MOXD1: variants seen among roughly 807,000 people sequenced by gnomAD.
MOXD1 encodes DBH-like monooxygenase protein 1.
MOXD1 carries 62 observed loss-of-function variants against 66.6 expected under a neutral mutation model. That is an observed-to-expected ratio of 0.93 (90% confidence interval 0.76 to 1.15). The LOEUF (loss-of-function observed/expected upper bound fraction) is 1.15. MOXD1 is among the 50% of genes most tolerant of loss of function. The pLI is 0.00. For missense variants in MOXD1, 847 were observed against 754.6 expected, an observed-to-expected ratio of 1.12 and a Z score of -1.44; for synonymous variants, 303 against 281.9, an observed-to-expected ratio of 1.07 and a Z score of -0.75.
chr6:132,308,362 G>T (rs1206138274), intron 10 of MOXD1, among the ~76,000 whole-genome samples: 2 of 152,090 alleles, frequency 1.3e-5, no homozygotes, highest in African/African-American at 4.8e-5. Flanking sequence ...AAGTTCTGAA[G>T]TTGAGGCAGT....
Position 132,323,947 on chromosome 6 carries a change from A to AAAG in MOXD1, c.1094_1096dup (p.Thr365_Leu366insSer). ...GCTGCATACCTCTTCCAGGCACTCC[A>AAAG]AAGTGCAGTGACCCTCAGACTGGAA... On this transcript the variant is annotated inframe_insertion, in exon 7 of 12. Transcript: ENST00000367963. 1 of 1,610,528 alleles carries AAAG rather than the reference A, an allele frequency of 6.2e-7. No homozygotes were observed. The highest frequency in any genetic ancestry group is 1.1e-5 in the South Asian group (1 of 90,184).
At chr6:132,313,627 T>C (rs1195234963) in intron 10 of MOXD1, among the ~76,000 whole-genome samples, 3 of 152,180 alleles carry the variant, frequency 2.0e-5, no homozygotes, top group African/African-American at 7.2e-5. Flanking sequence ...CAAAACTCTA[T>C]GTGTGGCTAG....
chr6:132,362,937 A>T (rs1367572592), intron 4 of MOXD1, among the ~76,000 whole-genome samples: 2 of 152,200 alleles, frequency 1.3e-5, no homozygotes, highest in African/African-American at 4.8e-5. Flanking sequence ...ATCACAAATG[A>T]AACTTCGTAT....
chr6:132,361,902 C>T (rs951954624), intron 4 of MOXD1, among the ~76,000 whole-genome samples: 1 of 152,016 alleles, frequency 6.6e-6, no homozygotes, highest in African/African-American at 2.4e-5. Context: ...GTCTTGATAC[C>T]TTAAAGAAGG....
chr6:132,313,373 T>A (rs1195896677), intron 10 of MOXD1, among the ~76,000 whole-genome samples: 3 of 152,246 alleles, frequency 2.0e-5, no homozygotes, highest in Non-Finnish European at 2.9e-5. Flanking sequence ...CATTTTGTTA[T>A]TTGTATTTTA....
At chr6:132,399,629 T>G (rs910368793) in intron 1 of MOXD1, among the ~76,000 whole-genome samples, 1 of 152,208 alleles carries the variant, frequency 6.6e-6, no homozygotes, top group Non-Finnish European at 1.5e-5. Flanking sequence ...GAAATGCTAC[T>G]CTTTGAGGGA....
intron 4 of MOXD1, among the ~76,000 whole-genome samples, chr6:132,347,548 G>C (rs1010461628): frequency 6.6e-6 from 1 of 151,946 alleles, no homozygotes; most frequent in Non-Finnish European, 1.5e-5. Context: ...GTGTTGGTGG[G>C]TGCCTGTAAT....
chr6:132,392,554 A>G (rs557470825), intron 1 of MOXD1, among the ~76,000 whole-genome samples: 60 of 152,298 alleles, frequency 3.9e-4, no homozygotes, highest in African/African-American at 1.4e-3. Flanking sequence ...AAGGACATGA[A>G]TCCATCAGGG....
At chr6:132,300,759 G>A (rs754117998) in intron 10 of MOXD1, among the ~76,000 whole-genome samples, 1 of 152,184 alleles carries the variant, frequency 6.6e-6, no homozygotes, top group Non-Finnish European at 1.5e-5. Context: ...CCAATGGCGC[G>A]TATGTTGGAG....
chr6:132,400,828 G>A (rs1177176960), intron 1 of MOXD1, among the ~76,000 whole-genome samples: 1 of 152,206 alleles, frequency 6.6e-6, no homozygotes, highest in African/African-American at 2.4e-5. Flanking sequence ...CCAAAGCCTA[G>A]GTCCTTCTCC....
chr6:132,388,130 T>A lies in MOXD1; in HGVS notation c.264+13033A>T, dbSNP rs936318370. Among the ~76,000 whole-genome samples the A allele has an allele frequency of 1.8e-3, 280 of 151,652 alleles. 4 individuals carry two copies. Among genetic ancestry groups the A allele is most frequent in the African/African-American group, 6.4e-3 (265 of 41,518 alleles). On this transcript the variant is annotated intron_variant, in intron 1 of 11. Transcript: ENST00000367963. ...AAGTTCAAAAGCTGGAATATTTGTC[T>A]TCATGTGGTCTTCTGACCATCGTCT... is the stretch of plus-strand genomic sequence containing the variant.
chr6:132,346,599 A>G (rs1161360541), intron 4 of MOXD1, among the ~76,000 whole-genome samples: 1 of 152,202 alleles, frequency 6.6e-6, no homozygotes, highest in African/African-American at 2.4e-5. Flanking sequence ...AATGCCTGCA[A>G]AGTAAGTTCT....
At chr6:132,371,134 A>G (rs1054781513) in intron 4 of MOXD1, among the ~76,000 whole-genome samples, 2 of 152,264 alleles carry the variant, frequency 1.3e-5, no homozygotes, top group South Asian at 2.1e-4. Context: ...ACAGTTTTAC[A>G]TTTGCCTCTT....
chr6:132,401,290 C>T lies in MOXD1; in HGVS notation c.137G>A (p.Ser46Asn), dbSNP rs201008601. The stretch of plus-strand genomic sequence containing the variant: ...CACCTGGAGGCGGAAGGCGATCTGG[C>T]TGCCCCGCTGGCTCCAGCCCAGCCA... Reference protein sequence around the residue: ...KYWLGWSQRGSQIAFRLQVRT... With the variant: ...KYWLGWSQRGNQIAFRLQVRT... Residue 46 changes from serine to asparagine, a missense_variant, in exon 1 of 12, where the codon AGC becomes AAC. Ser to Asn is a conservative substitution (Grantham distance 46, BLOSUM62 1). Coordinates refer to ENST00000367963, the MANE Select transcript of MOXD1 (RefSeq NM_015529.4). 17 of 1,597,776 alleles carry T rather than the reference C, an allele frequency of 1.1e-5. No homozygotes were observed. Among genetic ancestry groups the T allele is most frequent in the African/African-American group, 2.7e-5 (2 of 74,570 alleles).
At chr6:132,364,907 A>T (rs1010578554) in intron 4 of MOXD1, among the ~76,000 whole-genome samples, 1 of 152,172 alleles carries the variant, frequency 6.6e-6, no homozygotes, top group African/African-American at 2.4e-5. Context: ...AGGAGCCAAG[A>T]TTCAAACCAG....
intron 1 of MOXD1, chr6:132,390,582 T>C (rs892949812): frequency 6.6e-6 from 1 of 151,632 alleles, no homozygotes; most frequent in Admixed American, 6.6e-5. Context: ...GTCCCCAGCA[T>C]CTCGAAGTGT....
At chr6:132,333,550 C>T (rs760606911) in intron 4 of MOXD1, among the ~76,000 whole-genome samples, 4 of 152,068 alleles carry the variant, frequency 2.6e-5, no homozygotes, top group Non-Finnish European at 5.9e-5. Flanking sequence ...TATTGGTATT[C>T]CTGACACTGG....
chr6:132,393,579 G>C (rs1451998914), intron 1 of MOXD1, among the ~76,000 whole-genome samples: 3 of 152,126 alleles, frequency 2.0e-5, no homozygotes, highest in African/African-American at 7.2e-5. Flanking sequence ...ACTCTCATGG[G>C]CCCTGAGACT....
At chr6:132,304,538 G>A (rs570494054) in intron 10 of MOXD1, among the ~76,000 whole-genome samples, 2 of 152,312 alleles carry the variant, frequency 1.3e-5, no homozygotes, top group East Asian at 1.9e-4. Context: ...GACATGTACA[G>A]TAGAGGCTCC....
Sources: gnomAD v4.1 joint callset for allele counts (sites outside exome capture counted in the v4.1 genomes callset) on GRCh38, gnomAD v4.1.1 for gene constraint, MANE v1.5 for transcripts, NCBI Gene and HGNC (gene_info 2026-07-23, HGNC 2026-07-21) for gene names.